The following KMT2E variants were observed in gnomAD, a reference collection of about 807,000 sequenced individuals.
KMT2E encodes the protein histone reader KMT2E.
Under a neutral mutation model 184.6 loss-of-function variants are expected in KMT2E, and 30 were observed. The observed-to-expected ratio is 0.16, with a 90% CI of 0.12 to 0.22. The LOEUF (loss-of-function observed/expected upper bound fraction) is 0.22. Ranked by LOEUF, KMT2E falls within the 10% of genes least tolerant of loss-of-function variation. The pLI, the probability that KMT2E is intolerant of heterozygous loss-of-function variation, is 1.00. For synonymous variants in KMT2E, 815 were observed against 776.5 expected, an observed-to-expected ratio of 1.05 and a Z score of -0.82; for missense variants, 2,023 against 2,237.4, an observed-to-expected ratio of 0.90 and a Z score of 1.93.
At position 105,078,831 on chromosome 7, in the gene KMT2E, T is replaced by A. The variant is rs765953219; in HGVS notation, c.1131-15T>A. On this transcript the variant is annotated splice_polypyrimidine_tract_variant and intron_variant, in intron 11 of 26. Coordinates refer to ENST00000311117, the MANE Select transcript of KMT2E (RefSeq NM_182931.3). Reference sequence around the variant, plus strand: ...CCTAAAATGTTAATAGCTTATAATGTTTCTTTCTTTGTAGACCATACCCTT... The same window carrying A: ...CCTAAAATGTTAATAGCTTATAATGATTCTTTCTTTGTAGACCATACCCTT... 1 of 1,414,116 alleles carries A rather than the reference T, an allele frequency of 7.1e-7. No individual in the cohort carries two copies. The highest frequency in any genetic ancestry group is 1.2e-5 in the South Asian group (1 of 86,840). 87.6% of individuals were successfully genotyped at this position (1,414,116 alleles called of 1,614,324 possible).
rs1349784503 is a variant in KMT2E, at chr7:105,052,773, TTTCACTA to T, written c.72-9389_72-9383del. Among the ~76,000 whole-genome samples the T allele has an allele frequency of 6.6e-5, 10 of 152,072 alleles. No homozygotes were observed. In the East Asian group the frequency reaches 1.9e-3, roughly 29 times the overall value. On this transcript the variant is annotated intron_variant, in intron 3 of 26. Transcript: ENST00000311117. ...TTTTTTATTTTTAGTAGAGATGGGG[TTTCACTA>T]TGTTCGCCAGACTGGTCTCGAACAC... is the stretch of plus-strand genomic sequence containing the variant.
rs543205713 is a variant in KMT2E at position 105,111,696 on chromosome 7, C to T, written c.4069-129C>T. 1,697 of 1,077,072 alleles carry T rather than the reference C, an allele frequency of 1.6e-3. 3 individuals carry two copies. The highest frequency in any genetic ancestry group is 1.9e-3 in the Non-Finnish European group (1,484 of 771,090). The allele number at this position is 1,077,072 out of a possible 1,614,324, so 66.7% of individuals were successfully genotyped here. Reference sequence around the variant, plus strand: ...TAACATCCCAAGCCTCCATAATTGACGTATCCAGGATGTTATTTCCTGCCC... The same window carrying T: ...TAACATCCCAAGCCTCCATAATTGATGTATCCAGGATGTTATTTCCTGCCC... On this transcript the variant is annotated intron_variant, in intron 26 of 26. Coordinates refer to ENST00000311117, the MANE Select transcript of KMT2E (RefSeq NM_182931.3).
chr7:105,052,077 A>T (rs1256059021), intron 3 of KMT2E, among the ~76,000 whole-genome samples: 5 of 152,094 alleles, frequency 3.3e-5, no homozygotes, highest in Admixed American at 2.6e-4. Flanking sequence ...CAATTCTCCC[A>T]CTTAAAAAGC....
At chr7:105,015,798 C>T (rs985611013) in intron 1 of KMT2E, among the ~76,000 whole-genome samples, 3 of 151,860 alleles carry the variant, frequency 2.0e-5, no homozygotes, top group Non-Finnish European at 4.4e-5. Context: ...GCTGTTTTTC[C>T]TTCCCCGAGC....
intron 6 of KMT2E, among the ~76,000 whole-genome samples, chr7:105,071,405 T>A (rs1797283213): frequency 6.6e-6 from 1 of 150,816 alleles, no homozygotes; most frequent in Non-Finnish European, 1.5e-5. Flanking sequence ...TGTTGCTGTG[T>A]CACCAGGCTG....
chr7:105,069,871 A>C (rs1374873632), intron 6 of KMT2E, among the ~76,000 whole-genome samples: 3 of 152,050 alleles, frequency 2.0e-5, no homozygotes, highest in Non-Finnish European at 4.4e-5. Flanking sequence ...CGATTTCTAT[A>C]ATTTTGTCAT....
intron 13 of KMT2E, among the ~76,000 whole-genome samples, chr7:105,089,654 G>A (rs1798120892): frequency 6.6e-6 from 1 of 152,082 alleles, no homozygotes. Context: ...AGTGAATTTT[G>A]TGTTTAGACC....
chr7:105,074,778 G>C lies in KMT2E; in HGVS notation c.692G>C (p.Ser231Thr). ...SKVNDKRRKK[S>T]GEKEQHISKC... is the part of the protein sequence containing the mutation. ...GTTAATGATAAAAGAAGGAAAAAAA[G>C]CGGGGAGAAAGAACAACACATTTCA... is the stretch of plus-strand genomic sequence containing the variant. The change falls in exon 8 of 27, where the codon AGC (serine) becomes ACC (threonine). Residue 231 changes from serine to threonine, a missense_variant. By Grantham distance (58) the Ser-to-Thr change is moderately conservative. This residue lies in a region of KMT2E where 191 missense variants were observed against 209.0 expected (regional missense o/e 0.91). Transcript: ENST00000311117. The C allele has an allele frequency of 1.9e-6, 3 of 1,607,984 alleles. No homozygotes were observed. The highest frequency in any genetic ancestry group is 2.5e-6 in the Non-Finnish European group (3 of 1,178,106).
chr7:105,064,809 A>G (rs1434015011), intron 5 of KMT2E, among the ~76,000 whole-genome samples: 1 of 152,192 alleles, frequency 6.6e-6, no homozygotes, highest in Non-Finnish European at 1.5e-5. Flanking sequence ...CTCATAGTAG[A>G]AAATGTCAAA....
At chr7:105,080,101 C>T (rs765259013) in intron 12 of KMT2E, among the ~76,000 whole-genome samples, 5 of 152,096 alleles carry the variant, frequency 3.3e-5, no homozygotes, top group Non-Finnish European at 7.4e-5. Context: ...CCTGCCTCGG[C>T]CTCCCTAAAT....
At chr7:105,055,550 A>G (rs1168454602) in intron 3 of KMT2E, among the ~76,000 whole-genome samples, 1 of 152,196 alleles carries the variant, frequency 6.6e-6, no homozygotes, top group Non-Finnish European at 1.5e-5. Context: ...GTTTATTAAA[A>G]TGTAGATTTC....
intron 13 of KMT2E, among the ~76,000 whole-genome samples, chr7:105,082,172 CAAAAG>C (rs1482696216): frequency 3.3e-5 from 5 of 152,060 alleles, no homozygotes; most frequent in African/African-American, 7.2e-5. Flanking sequence ...CCCCTCAAAA[CAAAAG>C]AAAATTTTCT....
At chr7:105,085,688 AT>A (rs113145258) in intron 13 of KMT2E, among the ~76,000 whole-genome samples, 22 of 147,582 alleles carry the variant, frequency 1.5e-4, no homozygotes, top group Non-Finnish European at 1.0e-4. Context: ...CTTTAATTTG[AT>A]TTTTTTTTTT....
chr7:105,073,311 C>T (rs574359082), intron 6 of KMT2E, among the ~76,000 whole-genome samples: 1 of 151,022 alleles, frequency 6.6e-6, no homozygotes, highest in South Asian at 2.1e-4. Flanking sequence ...GCAGGAGGAT[C>T]CCTTGAACCT....
chr7:105,097,485 A>G (rs1251540749), intron 15 of KMT2E, among the ~76,000 whole-genome samples: 1 of 152,060 alleles, frequency 6.6e-6, no homozygotes, highest in Non-Finnish European at 1.5e-5. Context: ...TCCCGGGTTC[A>G]AGTGATTCTC....
Position 105,110,496 on chromosome 7 carries a change from C to G in KMT2E, c.3864C>G (p.Val1288=). 1 of 1,614,176 alleles carries G rather than the reference C, an allele frequency of 6.2e-7. No individual in the cohort carries two copies. The highest frequency in any genetic ancestry group is 1.1e-5 in the South Asian group (1 of 91,082). ...CTCTAGGGGGAGAATCACCATGTGT[C>G]TCATGTTCACCGAGTCATGTTCAGT... ...DKDSGGESPC[V]SCSPSHVQSS... Residue 1288 remains valine (V), a synonymous_variant, in exon 25 of 27, where the codon GTC becomes GTG. Transcript: ENST00000311117.
chr7:105,023,475 C>T (rs865841416), intron 1 of KMT2E, among the ~76,000 whole-genome samples: 7 of 134,626 alleles, frequency 5.2e-5, no homozygotes, highest in African/African-American at 1.2e-4. Flanking sequence ...GATGGAGTGT[C>T]GCTCTGTCGC....
At chr7:105,094,963 CCTTTTGTAGTACAG>C (rs1383163518) in intron 15 of KMT2E, among the ~76,000 whole-genome samples, 3 of 152,176 alleles carry the variant, frequency 2.0e-5, no homozygotes, top group African/African-American at 7.2e-5. Flanking sequence ...TTCACCCTAT[CCTTTTGTAGTACAG>C]CTTGAAAAAT....
chr7:105,091,196 A>T lies in KMT2E; in HGVS notation c.1624-20A>T, dbSNP rs765229399. On this transcript the variant is annotated intron_variant, in intron 14 of 26. Coordinates refer to ENST00000311117, the MANE Select transcript of KMT2E (RefSeq NM_182931.3). ...AGATGGAATAATAGTTTGTATAAAGAAGTCATTTCCATTTTTCAGGAACCA... is the reference window on the plus strand; with the variant it reads ...AGATGGAATAATAGTTTGTATAAAGTAGTCATTTCCATTTTTCAGGAACCA... 1 of 1,103,140 alleles carries T rather than the reference A, an allele frequency of 9.1e-7. No individual in the cohort carries two copies. The highest frequency in any genetic ancestry group is 1.4e-6 in the Non-Finnish European group (1 of 720,926). The allele number at this position is 1,103,140 out of a possible 1,614,324, so 68.3% of individuals were successfully genotyped here. A position where few individuals can be genotyped will look rare whatever the true frequency, so the allele number is the denominator to read the frequency against.
Sources: allele counts gnomAD v4.1 joint callset (sites outside exome capture counted in the v4.1 genomes callset), GRCh38; gene constraint gnomAD v4.1.1; regional missense constraint gnomAD v4.1.1; transcripts MANE v1.5; gene names NCBI Gene and HGNC (gene_info 2026-07-23, HGNC 2026-07-21).